The following ACAP2 variants were observed in gnomAD, a reference collection of about 807,000 sequenced individuals.
ACAP2 encodes arf-GAP with coiled-coil, ANK repeat and PH domain-containing protein 2.
In ACAP2, 39 loss-of-function variants were observed where a neutral mutation model predicts 115.8. The ratio of observed to expected loss-of-function variants is 0.34; its 90% CI spans 0.26 to 0.44. ACAP2 has a LOEUF of 0.44. Among genes scored for constraint, ACAP2 ranks in the 20% least tolerant of loss-of-function variants. ACAP2 has a pLI of 1.00. For missense variants in ACAP2, 662 were observed against 927.6 expected (o/e 0.71, Z 3.72); for synonymous variants, 289 against 315.8 (o/e 0.92, Z 0.90).
intron 2 of ACAP2, among the ~76,000 whole-genome samples, chr3:195,389,321 A>G (rs1019728434): frequency 2.0e-5 from 3 of 152,230 alleles, no homozygotes; most frequent in Non-Finnish European, 2.9e-5. Flanking sequence ...GAATCCACTC[A>G]TAACAGCAAA....
chr3:195,407,044 G>A (rs1452649955), intron 1 of ACAP2, among the ~76,000 whole-genome samples: 2 of 149,006 alleles, frequency 1.3e-5, no homozygotes, highest in Non-Finnish European at 3.0e-5. Flanking sequence ...ATGAGAGAGA[G>A]AGGAAGGAAG....
chr3:195,279,881 C>A (rs953463249), intron 22 of ACAP2: 3 of 152,328 alleles, frequency 2.0e-5, no homozygotes, highest in African/African-American at 7.2e-5. Context: ...ATAATCAAGA[C>A]AAACTGATAA....
chr3:195,436,737 A>G (rs571004777), intron 1 of ACAP2, among the ~76,000 whole-genome samples: 197 of 152,352 alleles, frequency 1.3e-3, no homozygotes, highest in Non-Finnish European at 2.2e-3. Context: ...TGTAAAACAT[A>G]TAACAAGAGG....
chr3:195,343,962 C>T (rs948153093), intron 5 of ACAP2, among the ~76,000 whole-genome samples: 2 of 152,202 alleles, frequency 1.3e-5, no homozygotes, highest in Non-Finnish European at 2.9e-5. Flanking sequence ...AATCCCAGTG[C>T]TTTGGGAGGT....
At chr3:195,418,059 C>T (rs112629309) in intron 1 of ACAP2, among the ~76,000 whole-genome samples, 3 of 152,240 alleles carry the variant, frequency 2.0e-5, no homozygotes, top group Admixed American at 6.5e-5. Context: ...TTATTTAAAA[C>T]GCCTCCGTCT....
At position 195,279,249 on chromosome 3, in the gene ACAP2, G is replaced by A; in HGVS notation, c.*79C>T. The A allele has an allele frequency of 1.2e-6, 1 of 847,668 alleles. No homozygotes were observed. The highest frequency in any genetic ancestry group is 1.9e-6 in the Non-Finnish European group (1 of 534,686). The allele number at this position is 847,668 out of a possible 1,614,324, so 52.5% of individuals were successfully genotyped here. A position where few individuals can be genotyped will look rare whatever the true frequency, so the allele number is the denominator to read the frequency against. On this transcript the variant is annotated 3_prime_UTR_variant, in exon 23 of 23. Transcript: ENST00000326793. ...TCTACCAAAATTAAGTAGAATTAAA[G>A]CAGTAAAAAAATTGTGATTTTTTAG...
Position 195,285,684 on chromosome 3 carries a change from T to C in ACAP2, c.2236+112A>G, listed in dbSNP as rs950496538. ...TTACAAGTGGGTTATAAAAACTCTA[T>C]AGTATCACATTAGTTTGCTAAAGAA... On this transcript the variant is annotated intron_variant, in intron 22 of 22. Coordinates refer to ENST00000326793, the MANE Select transcript of ACAP2 (RefSeq NM_012287.6). The C allele has an allele frequency of 5.8e-6, 5 of 855,506 alleles. No homozygotes were observed. In the Middle Eastern group the frequency reaches 7.9e-4, roughly 136 times the overall value. The allele number at this position is 855,506 out of a possible 1,614,324, so 53.0% of individuals were successfully genotyped here. A position where few individuals can be genotyped will look rare whatever the true frequency, so the allele number is the denominator to read the frequency against.
intron 4 of ACAP2, among the ~76,000 whole-genome samples, chr3:195,362,627 A>G (rs775167041): frequency 3.3e-5 from 5 of 152,202 alleles, no homozygotes; most frequent in Non-Finnish European, 5.9e-5. Flanking sequence ...ACAACACATT[A>G]AAAGGATTAC....
intron 1 of ACAP2, among the ~76,000 whole-genome samples, chr3:195,429,772 C>T (rs533201306): frequency 6.6e-6 from 1 of 152,086 alleles, no homozygotes; most frequent in Non-Finnish European, 1.5e-5. Context: ...AAACCATTGC[C>T]TAATTCAAGG....
intron 2 of ACAP2, 60 bp from the exon 3 acceptor site, chr3:195,382,082 A>G: frequency 6.5e-7 from 1 of 1,534,692 alleles, no homozygotes; most frequent in Non-Finnish European, 8.8e-7. Flanking sequence ...ACTTAGTTGA[A>G]CAAGTGTTGG....
At chr3:195,374,629 A>C (rs1459303719) in intron 4 of ACAP2, among the ~76,000 whole-genome samples, 1 of 152,242 alleles carries the variant, frequency 6.6e-6, no homozygotes, top group Non-Finnish European at 1.5e-5. Flanking sequence ...CGTCATTAAC[A>C]ATGACCAATA....
chr3:195,288,870 T>C (rs1409445974), intron 21 of ACAP2, among the ~76,000 whole-genome samples: 1 of 152,062 alleles, frequency 6.6e-6, no homozygotes, highest in African/African-American at 2.4e-5. Context: ...TAAATATAAA[T>C]ACAAAACACT....
chr3:195,354,524 G>A (rs1356263473), intron 4 of ACAP2, among the ~76,000 whole-genome samples: 1 of 152,016 alleles, frequency 6.6e-6, no homozygotes, highest in Admixed American at 6.5e-5. Flanking sequence ...CTTTTTAATG[G>A]GGTTGTGTTT....
intron 1 of ACAP2, among the ~76,000 whole-genome samples, chr3:195,418,642 C>A (rs1452276962): frequency 2.0e-5 from 3 of 152,114 alleles, no homozygotes; most frequent in East Asian, 1.9e-4. Flanking sequence ...GTTGCCCAGT[C>A]TGGTCTCAAA....
intron 4 of ACAP2, chr3:195,357,619 C>T (rs1468187423): frequency 2.0e-5 from 3 of 152,156 alleles, no homozygotes; most frequent in Admixed American, 6.5e-5. Flanking sequence ...AAGCTGCAGG[C>T]AGCTTAGCCA....
chr3:195,319,930 A>T (rs1224444247), intron 10 of ACAP2, among the ~76,000 whole-genome samples: 5 of 152,164 alleles, frequency 3.3e-5, no homozygotes, highest in Non-Finnish European at 7.4e-5. Context: ...CTCATCTTAA[A>T]TTGTAATCCC....
intron 22 of ACAP2, chr3:195,282,644 A>G (rs1034546662): frequency 3.3e-5 from 5 of 152,266 alleles, no homozygotes; most frequent in African/African-American, 9.6e-5. Context: ...ACAACAACCC[A>G]GAATATGCTG....
intron 4 of ACAP2, among the ~76,000 whole-genome samples, chr3:195,370,554 A>G (rs1446668512): frequency 6.6e-6 from 1 of 152,110 alleles, no homozygotes; most frequent in Non-Finnish European, 1.5e-5. Context: ...AGATGGTTGT[A>G]GGTGTGCGGC....
At position 195,442,926 on chromosome 3, in the gene ACAP2, G is replaced by T; in HGVS notation, c.-79C>A. 1 of 1,335,298 alleles carries T rather than the reference G, an allele frequency of 7.5e-7. No individual in the cohort carries two copies. Among genetic ancestry groups the T allele is most frequent in the Non-Finnish European group, 9.9e-7 (1 of 1,007,866 alleles). The allele number at this position is 1,335,298 out of a possible 1,614,324, so 82.7% of individuals were successfully genotyped here. On this transcript the variant is annotated 5_prime_UTR_variant, in exon 1 of 23. Coordinates refer to ENST00000326793, the MANE Select transcript of ACAP2 (RefSeq NM_012287.6). The stretch of plus-strand genomic sequence containing the variant: ...GCCGCGCTGGGACGCAGACGGCTAC[G>T]GCGGGCGCACGGCCGCGACTAGCGT...
Sources: allele counts gnomAD v4.1 joint callset (sites outside exome capture counted in the v4.1 genomes callset), GRCh38; gene constraint gnomAD v4.1.1; transcripts MANE v1.5; gene names NCBI Gene and HGNC (gene_info 2026-07-23, HGNC 2026-07-21).